The following MEAF6 variants were observed in gnomAD, a reference collection of about 807,000 sequenced individuals.
MEAF6 encodes MYST/Esa1 associated factor 6.
MEAF6 carries 15 observed loss-of-function variants against 28.9 expected under a neutral mutation model. The observed-to-expected ratio is 0.52, with a 90% CI of 0.35 to 0.80. MEAF6 has a LOEUF of 0.80. Among genes scored for constraint, MEAF6 ranks in the 30% least tolerant of loss-of-function variants. MEAF6 has a pLI of 0.01. For synonymous variants in MEAF6, 97 were observed against 88.7 expected (o/e 1.09, Z -0.53); for missense variants, 178 against 237.5 (o/e 0.75, Z 1.65).
At chr1:37,508,793 C>T (rs1324544743) in intron 4 of MEAF6, among the ~76,000 whole-genome samples, 1 of 152,080 alleles carries the variant, frequency 6.6e-6, no homozygotes, top group African/African-American at 2.4e-5. Flanking sequence ...TAATTTCTTC[C>T]TCAAAAGGAA....
intron 6 of MEAF6, 99 bp from the exon 7 acceptor site, chr1:37,494,206 C>G: frequency 1.0e-6 from 1 of 977,088 alleles, no homozygotes; most frequent in East Asian, 2.4e-5. Context: ...TACTAGGGGA[C>G]TGCTCTATAG....
chr1:37,508,632 A>AT (rs879876501), intron 4 of MEAF6, among the ~76,000 whole-genome samples: 1 of 152,154 alleles, frequency 6.6e-6, no homozygotes, highest in Non-Finnish European at 1.5e-5. Context: ...ATGGGGATTT[A>AT]TAAGATATAT....
At chr1:37,494,575 A>G (rs1252606565) in intron 6 of MEAF6, among the ~76,000 whole-genome samples, 1 of 151,012 alleles carries the variant, frequency 6.6e-6, no homozygotes, top group Non-Finnish European at 1.5e-5. Flanking sequence ...TCAGGCCTAT[A>G]ATCCCAGCAC....
intron 6 of MEAF6, among the ~76,000 whole-genome samples, chr1:37,495,263 G>A (rs914391088): frequency 6.6e-6 from 1 of 150,810 alleles, no homozygotes; most frequent in Non-Finnish European, 1.5e-5. Flanking sequence ...CCTGGGAGGC[G>A]GAGGTTGCAG....
chr1:37,501,827 C>T lies in MEAF6; in HGVS notation c.510G>A (p.Lys170=), dbSNP rs553895166. ...ACCTGTGCCGGTTTTTATTCTTTCG[C>T]TTTTTATGGCTGCTGTGGTGACTCC... ...SSGSHHSSHK[K]RKNKNRHRID... The change falls in exon 5 of 7, where the codon AAG becomes AAA. Residue 170 remains lysine, a synonymous_variant. Coordinates refer to ENST00000296214, the MANE Select transcript of MEAF6 (RefSeq NM_001270875.3). 40 of 1,591,296 alleles carry T rather than the reference C, an allele frequency of 2.5e-5. 1 individual carries two copies. The South Asian group carries it at 2.9e-4, about 12-fold the overall frequency.
rs1478813222 is a variant in MEAF6 at position 37,513,507 on chromosome 1, T to C, written c.122A>G (p.Tyr41Cys). Residue 41 changes from tyrosine (Y) to cysteine (C), a missense_variant, in exon 2 of 7, where the codon TAT (tyrosine) becomes TGT (cysteine). Physicochemically the swap from Tyr to Cys is radical, Grantham distance 194. Around this residue, in one of 2 missense-constraint regions of MEAF6, gnomAD observed 124 missense variants for 200.5 expected, o/e 0.62. Transcript: ENST00000296214. ...ETLANLERQI[Y>C]AFEGSYLEDT... ...TTCCAGGTAGCTTCCCTCAAAAGCA[T>C]AGATCTGTCGCTCCAAATTTGCCAA... 6.2e-7 allele frequency: 1 copy of C among 1,614,204 alleles called. No individual in the cohort carries two copies. Among genetic ancestry groups the C allele is most frequent in the South Asian group, 1.1e-5 (1 of 91,090 alleles).
intron 2 of MEAF6, 144 bp from the exon 3 acceptor site, chr1:37,509,686 A>G: frequency 1.6e-6 from 1 of 608,414 alleles, no homozygotes; most frequent in Non-Finnish European, 2.9e-6. Flanking sequence ...CACAGAAAGC[A>G]ACGTTTTCCA....
At position 37,490,176 on chromosome 1, in the gene MEAF6, G is replaced by A. The variant is rs1641880203; in HGVS notation, c.*3923C>T. Among the ~76,000 whole-genome samples, 2 of 149,936 alleles carry A rather than the reference G, an allele frequency of 1.3e-5. No homozygotes were observed. Among genetic ancestry groups the A allele is most frequent in the African/African-American group, 2.5e-5 (1 of 40,564 alleles). Reference sequence around the variant, plus strand: ...TCCCACCCCCACCCAGCCATCCTGTGTGCCCTCTTCCCCTTGGAGGCCACT... The same window carrying A: ...TCCCACCCCCACCCAGCCATCCTGTATGCCCTCTTCCCCTTGGAGGCCACT... On this transcript the variant is annotated 3_prime_UTR_variant, in exon 7 of 7. Transcript: ENST00000296214.
At position 37,510,759 on chromosome 1, in the gene MEAF6, G is replaced by A. The variant is rs141984374; in HGVS notation, c.207-1217C>T. Among the ~76,000 whole-genome samples, 250 of 151,784 alleles carry A rather than the reference G, an allele frequency of 1.6e-3. No individual in the cohort carries two copies. The East Asian group carries it at 0.026, about 16-fold the overall frequency. On this transcript the variant is annotated intron_variant, in intron 2 of 6. Coordinates refer to ENST00000296214, the MANE Select transcript of MEAF6 (RefSeq NM_001270875.3). ...TTTTTTGAGACGGAGTTTCACTCTT[G>A]TTGCCCAGGCTGGACTGCAATGGCG...
intron 4 of MEAF6, among the ~76,000 whole-genome samples, chr1:37,503,697 C>T (rs1557608782): frequency 6.7e-6 from 1 of 148,970 alleles, no homozygotes; most frequent in Non-Finnish European, 1.5e-5. Context: ...CACACAGTGG[C>T]TCATGCCTGT....
rs533856162 is a variant in MEAF6 at position 37,491,220 on chromosome 1, T to C, written c.*2879A>G. 1.3e-5 allele frequency among the ~76,000 whole-genome samples: 2 copies of C among 152,238 alleles called. No individual in the cohort carries two copies. Among genetic ancestry groups the C allele is most frequent in the African/African-American group, 2.4e-5 (1 of 41,540 alleles). On this transcript the variant is annotated 3_prime_UTR_variant, in exon 7 of 7. Transcript: ENST00000296214. ...AGGTCAAGATGTCAAGAATACTCTA[T>C]ATTGCCAGGTGCCAGGGCTCATGCC... is the stretch of plus-strand genomic sequence containing the variant.
In MEAF6 at chr1:37,502,485, A is replaced by AG. The variant is rs577505610; in HGVS notation, c.341-490dup. ...AACTACAGTGACTGTACAAAAAAAA[A>AG]GGGGGGGCCAAAGAGGGAGAAGACA... On this transcript the variant is annotated intron_variant, in intron 4 of 6. Transcript: ENST00000296214. Among the ~76,000 whole-genome samples the AG allele has an allele frequency of 2.6e-3, 387 of 151,684 alleles. 10 individuals are homozygous for AG. In the South Asian group the frequency reaches 0.065, roughly 25 times the overall value.
In MEAF6 at chr1:37,491,566, G is replaced by A. The variant is rs917352476; in HGVS notation, c.*2533C>T. Among the ~76,000 whole-genome samples, 5 of 152,116 alleles carry A rather than the reference G, an allele frequency of 3.3e-5. No homozygotes were observed. The highest frequency in any genetic ancestry group is 9.7e-5 in the African/African-American group (4 of 41,410). On this transcript the variant is annotated 3_prime_UTR_variant, in exon 7 of 7. Coordinates refer to ENST00000296214, the MANE Select transcript of MEAF6 (RefSeq NM_001270875.3). ...TGTTTTAAATTAGCTGGGAATGGTG[G>A]CATGCACCTATAGTCCCAGGTACTA...
chr1:37,494,160 G>T, intron 6 of MEAF6, 53 bp from the exon 7 acceptor site: 1 of 1,490,288 alleles, frequency 6.7e-7, no homozygotes, highest in Non-Finnish European at 9.2e-7. Flanking sequence ...ACAGTTGTTT[G>T]ACCCTAAAGG....
rs538626347 is a variant in MEAF6, at chr1:37,508,403, C to T, written c.340+875G>A. Among the ~76,000 whole-genome samples, 315 of 149,244 alleles carry T rather than the reference C, an allele frequency of 2.1e-3. 3 individuals carry two copies. The highest frequency in any genetic ancestry group is 7.0e-3 in the Middle Eastern group (2 of 286). ...AAGTGATCCTCTCACCTCAGCCTCT[C>T]TAATAGCTGGGACTACAGGCATATG... On this transcript the variant is annotated intron_variant, in intron 4 of 6. Transcript: ENST00000296214.
chr1:37,501,960 G>A lies in MEAF6; in HGVS notation c.377C>T (p.Pro126Leu). Residue 126 changes from proline (P) to leucine (L), a missense_variant, in exon 5 of 7, where the codon CCA becomes CTA. Pro to Leu is a moderately conservative substitution (Grantham distance 98, BLOSUM62 -3). Coordinates refer to ENST00000296214, the MANE Select transcript of MEAF6 (RefSeq NM_001270875.3). ...CTCATTTTCCTGATTGTGGAAGTCT[G>A]GAGAAGTGTCACTTTCCGTCCCACT... ...PGSGTESDTS[P>L]DFHNQENEPS... is the part of the protein sequence containing the mutation. The A allele has an allele frequency of 6.2e-7, 1 of 1,608,296 alleles. No homozygotes were observed. The highest frequency in any genetic ancestry group is 8.5e-7 in the Non-Finnish European group (1 of 1,175,804).
intron 6 of MEAF6, 51 bp from the exon 7 acceptor site, chr1:37,494,158 T>C (rs755704586): frequency 1.3e-6 from 2 of 1,535,560 alleles, no homozygotes. Context: ...GAACAGTTGT[T>C]TGACCCTAAA....
In MEAF6 at chr1:37,493,563, G is replaced by C. The variant is rs560280977; in HGVS notation, c.*536C>G. ...ATATTGGCAACTGCATGAAAGAGAT[G>C]ATCAGATATGTCAGCAGGAAAGTAT... On this transcript the variant is annotated 3_prime_UTR_variant, in exon 7 of 7. Transcript: ENST00000296214. The C allele has an allele frequency of 1.8e-6, 1 of 563,946 alleles. No homozygotes were observed. The highest frequency in any genetic ancestry group is 3.1e-5 in the East Asian group (1 of 32,466). The allele number at this position is 563,946 out of a possible 1,614,324, so 34.9% of individuals were successfully genotyped here.
Position 37,490,868 on chromosome 1 carries a change from T to TAAA in MEAF6, c.*3228_*3230dup, listed in dbSNP as rs35026214. Among the ~76,000 whole-genome samples the TAAA allele has an allele frequency of 2.0e-5, 3 of 150,188 alleles. No individual in the cohort carries two copies. The highest frequency in any genetic ancestry group is 3.0e-5 in the Non-Finnish European group (2 of 67,536). ...GGTGAAACCCGGTCTCTATTGAAAA[T>TAAA]AAAAAAAAACTAGCTGGGTGTGGTA... On this transcript the variant is annotated 3_prime_UTR_variant, in exon 7 of 7. Coordinates refer to ENST00000296214, the MANE Select transcript of MEAF6 (RefSeq NM_001270875.3).
Sources: gnomAD v4.1 joint callset for allele counts (sites outside exome capture counted in the v4.1 genomes callset) on GRCh38, gnomAD v4.1.1 for gene constraint, gnomAD v4.1.1 regional missense constraint, MANE v1.5 for transcripts, NCBI Gene and HGNC (gene_info 2026-07-23, HGNC 2026-07-21) for gene names.